The following EPS8L1 variants were observed in gnomAD, a reference collection of about 807,000 sequenced individuals.
The protein encoded by EPS8L1 is EPS8 signaling adaptor L1, also known as epidermal growth factor receptor kinase substrate 8-like protein 1.
EPS8L1 carries 101 observed loss-of-function variants against 91.7 expected under a neutral mutation model. The observed-to-expected ratio is 1.10, with a 90% CI of 0.94 to 1.30. The LOEUF (loss-of-function observed/expected upper bound fraction) is 1.30, where lower values mean the gene tolerates loss of function less well. EPS8L1 is among the 50% of genes most tolerant of loss of function. The pLI, the probability that EPS8L1 is intolerant of heterozygous loss-of-function variation, is 0.00. For synonymous variants in EPS8L1, 506 were observed against 445.3 expected, an observed-to-expected ratio of 1.14 and a Z score of -1.72; for missense variants, 1,114 against 1,017.0, an observed-to-expected ratio of 1.10 and a Z score of -1.30.
At position 55,081,135 on chromosome 19, in the gene EPS8L1, C is replaced by A; in HGVS notation, c.513-96C>A. The A allele has an allele frequency of 7.2e-7, 1 of 1,380,186 alleles. No individual in the cohort carries two copies. Among genetic ancestry groups the A allele is most frequent in the Non-Finnish European group, 9.5e-7 (1 of 1,050,852 alleles). 85.5% of individuals were successfully genotyped at this position (1,380,186 alleles called of 1,614,324 possible). On this transcript the variant is annotated intron_variant, in intron 7 of 19. Coordinates refer to ENST00000201647, the MANE Select transcript of EPS8L1 (RefSeq NM_133180.3). This position sits in a 1 kb window ranked among gnomAD's most constrained non-coding sequence, Gnocchi z 4.9. Reference sequence around the variant, plus strand: ...GTTGAACTTGTTCACTCCCTTTGAGCCTTTTGAGCCTGTGTGTCTCGTTCT... The same window carrying A: ...GTTGAACTTGTTCACTCCCTTTGAGACTTTTGAGCCTGTGTGTCTCGTTCT...
chr19:55,087,229 G>A (rs1749911643), intron 18 of EPS8L1, 74 bp from the exon 19 acceptor site: 22 of 1,522,108 alleles, frequency 1.4e-5, no homozygotes, highest in Middle Eastern at 4.7e-4. Flanking sequence ...CCATCGCCGG[G>A]TGGGCGTGAC....
In EPS8L1 at chr19:55,081,485, G is replaced by C; in HGVS notation, c.767G>C (p.Arg256Pro). 3.2e-6 allele frequency: 5 copies of C among 1,584,084 alleles called. No homozygotes were observed. The highest frequency in any genetic ancestry group is 1.3e-5 in the African/African-American group (1 of 74,156). The change falls in exon 8 of 20, where the codon CGG becomes CCG. Residue 256 changes from arginine (R) to proline (P), a missense_variant. Arg to Pro is a moderately radical substitution (Grantham distance 103). Coordinates refer to ENST00000201647, the MANE Select transcript of EPS8L1 (RefSeq NM_133180.3). This position sits in a 1 kb window ranked among gnomAD's most constrained non-coding sequence, Gnocchi z 4.9. ...GPDLAVLQAE[R>P]EVDILNHVFD... ...GACCTGGCGGTTCTGCAGGCGGAGC[G>C]GGAAGTGGTGAGCCGCTAAGGAAGG... is the stretch of plus-strand genomic sequence containing the variant.
chr19:55,082,406 T>C (rs989408682), intron 11 of EPS8L1, 48 bp from the exon 12 acceptor site: 1 of 1,612,152 alleles, frequency 6.2e-7, no homozygotes, highest in Middle Eastern at 1.7e-4. Context: ...CGGGTTCGAC[T>C]TGTAGAAGGT....
chr19:55,082,375 C>T (rs762964444), intron 11 of EPS8L1, 26 bp downstream of exon 11: 35 of 1,611,992 alleles, frequency 2.2e-5, no homozygotes, highest in Non-Finnish European at 2.7e-5. Flanking sequence ...GGCCCTCGGG[C>T]CCCCCTGCAG....
In EPS8L1 at chr19:55,087,644, G is replaced by C; in HGVS notation, c.*30G>C. The stretch of plus-strand genomic sequence containing the variant: ...CCAGGCGCCCTTCGCAAAGAGTGAC[G>C]AGGCCCCGTGGGAGAACGGACTCCT... On this transcript the variant is annotated 3_prime_UTR_variant, in exon 20 of 20. Coordinates refer to ENST00000201647, the MANE Select transcript of EPS8L1 (RefSeq NM_133180.3). The C allele has an allele frequency of 1.2e-6, 2 of 1,610,662 alleles. No homozygotes were observed. The highest frequency in any genetic ancestry group is 1.7e-6 in the Non-Finnish European group (2 of 1,177,550).
At position 55,087,584 on chromosome 19, in the gene EPS8L1, G is replaced by A. The variant is rs1236682125; in HGVS notation, c.2142G>A (p.Val714=). 2 of 1,614,210 alleles carry A rather than the reference G, an allele frequency of 1.2e-6. No homozygotes were observed. Among genetic ancestry groups the A allele is most frequent in the Non-Finnish European group, 1.7e-6 (2 of 1,180,032 alleles). The change falls in exon 20 of 20, where the codon GTG becomes GTA. Residue 714 remains valine, a synonymous_variant. Transcript: ENST00000201647. ...TGATGGAGAAGCAAAAGAAGAAGGT[G>A]GAAGGCGAGGTGGAAATGGAGGTCA... ...EAVMEKQKKK[V]EGEVEMEVI is the part of the protein sequence containing the mutation.
chr19:55,087,203 TG>T, intron 18 of EPS8L1, 99 bp from the exon 19 acceptor site: 1 of 1,479,824 alleles, frequency 6.8e-7, no homozygotes. Flanking sequence ...AGAGCTAGAA[TG>T]CTGTTCTGAT....
rs62619976 is a variant in EPS8L1, at chr19:55,083,560, G to C, written c.1356+41G>C. The C allele has an allele frequency of 4.4e-3, 7,068 of 1,597,982 alleles. 244 individuals are homozygous for C. In the African/African-American group the frequency reaches 0.083, roughly 19 times the overall value. On this transcript the variant is annotated intron_variant, in intron 13 of 19. Transcript: ENST00000201647. The surrounding 1 kb of genome is among the most constrained non-coding windows in gnomAD (Gnocchi z 4.7). ...CAGCAGGGCCGAGGCTGGGAAGTCC[G>C]GGGGCGCGGCCGGTCCGCCTGGCCC...
At position 55,083,310 on chromosome 19, in the gene EPS8L1, TTAA is replaced by T; in HGVS notation, c.1215-66_1215-64del. 1 of 1,568,892 alleles carries T rather than the reference TTAA, an allele frequency of 6.4e-7. No homozygotes were observed. On this transcript the variant is annotated intron_variant, in intron 12 of 19. Coordinates refer to ENST00000201647, the MANE Select transcript of EPS8L1 (RefSeq NM_133180.3). This position sits in a 1 kb window ranked among gnomAD's most constrained non-coding sequence, Gnocchi z 4.7. ...AGCTTTAGGGGAAAACTTAGTGAAG[TTAA>T]TGCAGGAACGAAGTTGGGGGCTGTA... is the stretch of plus-strand genomic sequence containing the variant.
At position 55,085,845 on chromosome 19, in the gene EPS8L1, C is replaced by A. The variant is rs761533849; in HGVS notation, c.1390C>A (p.Arg464=). ...SAPQVAVNGH[R]DLEPESEPQL... is the part of the protein sequence containing the mutation. The stretch of plus-strand genomic sequence containing the variant: ...AACCCTCCCGCTTCTCCTCAGTCAC[C>A]GAGACTTGGAGCCAGAATCTGAGCC... The change falls in exon 15 of 20, where the codon CGA becomes AGA. Residue 464 remains arginine, a synonymous_variant. Coordinates refer to ENST00000201647, the MANE Select transcript of EPS8L1 (RefSeq NM_133180.3). 7 of 1,612,346 alleles carry A rather than the reference C, an allele frequency of 4.3e-6. No homozygotes were observed. In the South Asian group the frequency reaches 7.7e-5, roughly 18 times the overall value.
intron 14 of EPS8L1, 166 bp from the exon 15 acceptor site, chr19:55,085,675 A>C: frequency 2.6e-6 from 2 of 768,122 alleles, no homozygotes; most frequent in Non-Finnish European, 4.1e-6. Flanking sequence ...GGAGGGAGCA[A>C]ATATATTCAG....
chr19:55,087,496 C>T (rs1192403208), intron 19 of EPS8L1, 32 bp from the exon 20 acceptor site: 37 of 1,614,010 alleles, frequency 2.3e-5, no homozygotes, highest in Non-Finnish European at 3.1e-5. Context: ...GCTCGGACGC[C>T]AGGACAAAGC....
At chr19:55,079,881 G>T (rs751157641) in intron 5 of EPS8L1, 30 bp downstream of exon 5, 1 of 1,587,550 alleles carries the variant, frequency 6.3e-7, no homozygotes, top group African/African-American at 1.3e-5. Context: ...TGGGAGGAGT[G>T]TCTGGGGCAG....
intron 19 of EPS8L1, 31 bp downstream of exon 19, chr19:55,087,466 G>C (rs766078452): frequency 1.9e-6 from 3 of 1,614,192 alleles, no homozygotes; most frequent in Non-Finnish European, 2.5e-6. Context: ...CTGGGTCTGG[G>C]TAGGGTTGGG....
In EPS8L1 at chr19:55,082,504, G is replaced by A. The variant is rs200160175; in HGVS notation, c.1116G>A (p.Pro372=). 2 of 1,612,536 alleles carry A rather than the reference G, an allele frequency of 1.2e-6. No homozygotes were observed. Among genetic ancestry groups the A allele is most frequent in the Non-Finnish European group, 8.5e-7 (1 of 1,179,770 alleles). ...GPEFASSVRR[P]HLTSDAVALL... is the part of the protein sequence containing the mutation. ...AGTTCGCGAGCAGTGTGCGGCGGCC[G>A]CATCTGACATCGGATGCCGTGGCGC... Residue 372 remains proline (P), a synonymous_variant, in exon 12 of 20, where the codon CCG becomes CCA. Coordinates refer to ENST00000201647, the MANE Select transcript of EPS8L1 (RefSeq NM_133180.3).
Position 55,080,159 on chromosome 19 carries a change from A to G in EPS8L1, c.310A>G (p.Ile104Val). Residue 104 changes from isoleucine (I) to valine (V), a missense_variant, in exon 6 of 20, where the codon ATC (isoleucine) becomes GTC (valine). Coordinates refer to ENST00000201647, the MANE Select transcript of EPS8L1 (RefSeq NM_133180.3). ...GCTGGAGTCGTACCCACTGGGCGCCATCGTGCGCTGTGACGCGGTGATGCC... is the reference window on the plus strand; with the variant it reads ...GCTGGAGTCGTACCCACTGGGCGCCGTCGTGCGCTGTGACGCGGTGATGCC... Reference protein sequence around the residue: ...EELESYPLGAIVRCDAVMPPG... With the variant: ...EELESYPLGAVVRCDAVMPPG... The G allele has an allele frequency of 6.6e-7, 1 of 1,525,628 alleles. No homozygotes were observed. Among genetic ancestry groups the G allele is most frequent in the Non-Finnish European group, 8.8e-7 (1 of 1,130,212 alleles). The allele number at this position is 1,525,628 out of a possible 1,614,324, so 94.5% of individuals were successfully genotyped here. A position where few individuals can be genotyped will look rare whatever the true frequency, so the allele number is the denominator to read the frequency against.
rs141485598 is a variant in EPS8L1, at chr19:55,085,456, C to T, written c.1386-385C>T. ...CTGGGATTACAGGCGTGAGCCACCG[C>T]GCCCGGCCTAGCTAGTGTTTTTATT... On this transcript the variant is annotated intron_variant, in intron 14 of 19. Coordinates refer to ENST00000201647, the MANE Select transcript of EPS8L1 (RefSeq NM_133180.3). Among the ~76,000 whole-genome samples the T allele has an allele frequency of 4.6e-3, 707 of 152,314 alleles. 9 individuals carry two copies. The highest frequency in any genetic ancestry group is 0.016 in the African/African-American group (685 of 41,566).
At position 55,080,543 on chromosome 19, in the gene EPS8L1, T is replaced by A. The variant is rs752581645; in HGVS notation, c.430-229T>A. The A allele has an allele frequency of 1.9e-6, 3 of 1,611,608 alleles. 1 individual carries two copies. The Admixed American group carries it at 5.0e-5, about 27-fold the overall frequency. On this transcript the variant is annotated intron_variant, in intron 6 of 19. Transcript: ENST00000201647. ...ATCTGGGGGAGCAGCCAGGACGAGG[T>A]GGGGGCGAGGAACCACCCGGACTGG...
intron 7 of EPS8L1, 58 bp downstream of exon 7, chr19:55,080,912 C>CA (rs2076244643): frequency 7.0e-7 from 1 of 1,437,716 alleles, no homozygotes; most frequent in African/African-American, 1.4e-5. Context: ...CCTTGTGCCT[C>CA]AGTCTACAAC....
Sources: gnomAD v4.1 joint callset for allele counts (sites outside exome capture counted in the v4.1 genomes callset) on GRCh38, gnomAD v4.1.1 for gene constraint, Gnocchi (gnomAD v3.1) non-coding constraint, MANE v1.5 for transcripts, NCBI Gene and HGNC (gene_info 2026-07-23, HGNC 2026-07-21) for gene names.